Variants in CDKAL1 observed in about 807,000 individuals in gnomAD.
CDKAL1 encodes threonylcarbamoyladenosine tRNA methylthiotransferase.
A neutral mutation model predicts 68.2 loss-of-function variants in CDKAL1; 32 were observed. The observed-to-expected ratio is 0.47, with a 90% CI of 0.35 to 0.63. CDKAL1 has a LOEUF of 0.63. Among genes scored for constraint, CDKAL1 ranks in the 30% least tolerant of loss-of-function variants. The pLI, the probability that CDKAL1 is intolerant of heterozygous loss-of-function variation, is 0.00. For missense variants in CDKAL1, 606 were observed against 696.7 expected, an observed-to-expected ratio of 0.87 and a Z score of 1.47; for synonymous variants, 234 against 244.3, an observed-to-expected ratio of 0.96 and a Z score of 0.39.
At chr6:20,632,977 G>C (rs1334931105) in intron 4 of CDKAL1, among the ~76,000 whole-genome samples, 1 of 152,132 alleles carries the variant, frequency 6.6e-6, no homozygotes, top group Non-Finnish European at 1.5e-5. Flanking sequence ...GATACATTTA[G>C]GCAGTGGGCA....
chr6:21,111,061 C>T (rs1416651548), intron 13 of CDKAL1, among the ~76,000 whole-genome samples: 1 of 152,048 alleles, frequency 6.6e-6, no homozygotes, highest in Non-Finnish European at 1.5e-5. Context: ...ATTATCAAAA[C>T]TAAATGATGT....
chr6:20,981,668 C>T lies in CDKAL1; in HGVS notation c.910-18559C>T, dbSNP rs373044721. On this transcript the variant is annotated intron_variant, in intron 10 of 15. Transcript: ENST00000274695. ...CAGCCTGGCCAACATGGTGAAACCC[C>T]GTCTCTACTAAAAATACGAAGAATT... is the stretch of plus-strand genomic sequence containing the variant. Among the ~76,000 whole-genome samples the T allele has an allele frequency of 4.6e-5, 7 of 152,256 alleles. No individual in the cohort carries two copies. The South Asian group carries it at 1.2e-3, about 27-fold the overall frequency.
intron 9 of CDKAL1, among the ~76,000 whole-genome samples, chr6:20,934,943 C>T (rs1035299479): frequency 1.3e-5 from 2 of 148,720 alleles, no homozygotes; most frequent in Non-Finnish European, 1.5e-5. Context: ...TCACCCAGGC[C>T]GGAGTTCAAT....
intron 5 of CDKAL1, chr6:20,722,603 A>G (rs1045757258): frequency 1.7e-5 from 4 of 230,996 alleles, no homozygotes; most frequent in African/African-American, 7.0e-5. Context: ...AATTGTAGAC[A>G]GACAGGGGCC....
At chr6:21,107,474 C>A (rs532861455) in intron 12 of CDKAL1, among the ~76,000 whole-genome samples, 1 of 152,056 alleles carries the variant, frequency 6.6e-6, no homozygotes, top group Non-Finnish European at 1.5e-5. Flanking sequence ...GTTGCCCAGG[C>A]TGGAGTGCAG....
intron 5 of CDKAL1, among the ~76,000 whole-genome samples, chr6:20,706,790 G>T (rs1026241622): frequency 1.3e-5 from 2 of 152,130 alleles, no homozygotes; most frequent in African/African-American, 4.8e-5. Flanking sequence ...AAAGTACTTG[G>T]AAGACAGTTT....
At chr6:21,003,371 T>TATATATACACACACACAC in intron 11 of CDKAL1, among the ~76,000 whole-genome samples, 2 of 49,302 alleles carry the variant, frequency 4.1e-5, no homozygotes, top group East Asian at 8.6e-4. Flanking sequence ...TATATATATA[T>TATATATACACACACACAC]ACACACACAC....
chr6:20,583,549 G>A (rs577404780), intron 4 of CDKAL1, among the ~76,000 whole-genome samples: 65 of 151,974 alleles, frequency 4.3e-4, no homozygotes, highest in African/African-American at 1.4e-3. Context: ...GATAATCTAC[G>A]GAACAAAAAC....
chr6:21,149,881 A>G (rs1377070243), intron 13 of CDKAL1, among the ~76,000 whole-genome samples: 2 of 152,142 alleles, frequency 1.3e-5, no homozygotes, highest in Non-Finnish European at 2.9e-5. Context: ...ATTTTGAGAT[A>G]GAGTCTTGCT....
At chr6:20,989,567 A>G (rs556838342) in intron 10 of CDKAL1, among the ~76,000 whole-genome samples, 15 of 152,334 alleles carry the variant, frequency 9.8e-5, no homozygotes, top group African/African-American at 3.6e-4. Context: ...AGAGAAGCCA[A>G]TAAAACTCTC....
intron 15 of CDKAL1, among the ~76,000 whole-genome samples, chr6:21,216,039 G>A (rs1322920907): frequency 6.6e-6 from 1 of 152,152 alleles, no homozygotes; most frequent in Non-Finnish European, 1.5e-5. Flanking sequence ...TGACTTCGAA[G>A]ATGGAAGCAG....
chr6:20,972,022 G>A (rs1031954128), intron 10 of CDKAL1, among the ~76,000 whole-genome samples: 7 of 152,234 alleles, frequency 4.6e-5, no homozygotes, highest in African/African-American at 1.7e-4. Flanking sequence ...ATAATCCTAA[G>A]TCAGAGAGGC....
In CDKAL1 at chr6:20,796,552, G is replaced by T. The variant is rs185003591; in HGVS notation, c.638+15287G>T. ...TAAAACAGTTTTGAATAAGAATAAGGTTGGAGGAATCACACCATCCTAGTT... is the reference window on the plus strand; with the variant it reads ...TAAAACAGTTTTGAATAAGAATAAGTTTGGAGGAATCACACCATCCTAGTT... On this transcript the variant is annotated intron_variant, in intron 8 of 15. Coordinates refer to ENST00000274695, the MANE Select transcript of CDKAL1 (RefSeq NM_017774.3). Among the ~76,000 whole-genome samples, 5 of 152,286 alleles carry T rather than the reference G, an allele frequency of 3.3e-5. No homozygotes were observed. The East Asian group carries it at 9.6e-4, about 29-fold the overall frequency.
chr6:20,655,747 CA>C (rs1768997988), intron 5 of CDKAL1, among the ~76,000 whole-genome samples: 1 of 152,070 alleles, frequency 6.6e-6, no homozygotes, highest in African/African-American at 2.4e-5. Context: ...TTCTTGGTGC[CA>C]AAAATGTTGG....
chr6:21,197,768 CAG>C (rs1483242176), intron 13 of CDKAL1, among the ~76,000 whole-genome samples: 1 of 152,134 alleles, frequency 6.6e-6, no homozygotes, highest in Non-Finnish European at 1.5e-5. Flanking sequence ...AATTCTGTTT[CAG>C]AGTTATGTAA....
intron 8 of CDKAL1, among the ~76,000 whole-genome samples, chr6:20,783,116 G>A (rs1203295491): frequency 6.6e-6 from 1 of 152,094 alleles, no homozygotes; most frequent in Non-Finnish European, 1.5e-5. Context: ...ATTTAGTAGA[G>A]ATGGAGTTTC....
chr6:20,856,165 G>A (rs563899179), intron 9 of CDKAL1, among the ~76,000 whole-genome samples: 5 of 152,316 alleles, frequency 3.3e-5, no homozygotes, highest in East Asian at 1.9e-4. Flanking sequence ...TCAGGAGCAC[G>A]TGTTTCCCAT....
At chr6:20,706,233 C>A (rs77037529) in intron 5 of CDKAL1, among the ~76,000 whole-genome samples, 1 of 152,296 alleles carries the variant, frequency 6.6e-6, no homozygotes, top group South Asian at 2.1e-4. Flanking sequence ...CCATGCCTCT[C>A]ACTAGCCTTG....
chr6:20,553,840 G>A (rs1259630665), intron 4 of CDKAL1, among the ~76,000 whole-genome samples: 1 of 151,430 alleles, frequency 6.6e-6, no homozygotes, highest in African/African-American at 2.4e-5. Flanking sequence ...TCTAACTCCT[G>A]GCCTCAAGCG....
Sources: allele counts gnomAD v4.1 joint callset (sites outside exome capture counted in the v4.1 genomes callset), GRCh38; gene constraint gnomAD v4.1.1; transcripts MANE v1.5; gene names NCBI Gene and HGNC (gene_info 2026-07-23, HGNC 2026-07-21).